Variants in CACNA2D3 observed in about 807,000 individuals in gnomAD.
CACNA2D3 encodes the protein calcium voltage-gated channel auxiliary subunit alpha2delta 3, also known as voltage-dependent calcium channel subunit alpha-2/delta-3.
A neutral mutation model predicts 160.6 loss-of-function variants in CACNA2D3; 60 were observed. The observed-to-expected ratio is 0.37, with a 90% CI of 0.30 to 0.46. CACNA2D3 has a LOEUF of 0.46. Ranked by LOEUF, CACNA2D3 falls within the 20% of genes least tolerant of loss-of-function variation. The probability of loss-of-function intolerance (pLI) is 1.00; values close to 1 mark genes in which losing one functional copy is unlikely to be tolerated. For synonymous variants in CACNA2D3, 558 were observed against 492.9 expected (o/e 1.13, Z -1.75); for missense variants, 1,205 against 1,365.0 (o/e 0.88, Z 1.85).
chr3:54,390,815 A>G (rs1266039155), intron 4 of CACNA2D3, among the ~76,000 whole-genome samples: 1 of 152,136 alleles, frequency 6.6e-6, no homozygotes, highest in Non-Finnish European at 1.5e-5. Flanking sequence ...ATTTATTACT[A>G]TGATGGTCCG....
At chr3:54,293,987 G>C (rs1484692429) in intron 2 of CACNA2D3, among the ~76,000 whole-genome samples, 1 of 152,158 alleles carries the variant, frequency 6.6e-6, no homozygotes, top group East Asian at 1.9e-4. Flanking sequence ...CAGAAAGGAG[G>C]GGGAGAAGGA....
chr3:54,869,689 A>G lies in CACNA2D3; in HGVS notation c.1627-1850A>G, dbSNP rs149942993. 3.9e-4 allele frequency among the ~76,000 whole-genome samples: 60 copies of G among 152,284 alleles called. 1 individual carries two copies. The highest frequency in any genetic ancestry group is 2.9e-3 in the South Asian group (14 of 4,820). ...AGGTCCAGAACGACTGTCTGACTCTAAGTCCTCAGGGGGACACTACTATCC... is the reference window on the plus strand; with the variant it reads ...AGGTCCAGAACGACTGTCTGACTCTGAGTCCTCAGGGGGACACTACTATCC... On this transcript the variant is annotated intron_variant, in intron 17 of 37. Transcript: ENST00000474759.
intron 13 of CACNA2D3, among the ~76,000 whole-genome samples, chr3:54,789,166 TAA>T (rs1302005530): frequency 2.0e-5 from 3 of 152,190 alleles, no homozygotes; most frequent in Non-Finnish European, 4.4e-5. Context: ...TATAAATATA[TAA>T]CAGTCTTATG....
chr3:54,369,675 A>C (rs1186857785), intron 3 of CACNA2D3, among the ~76,000 whole-genome samples: 1 of 152,056 alleles, frequency 6.6e-6, no homozygotes, highest in Non-Finnish European at 1.5e-5. Flanking sequence ...GGCCTTTCCC[A>C]CCTGGGACAT....
At chr3:55,053,183 C>T (rs1559474760) in intron 35 of CACNA2D3, among the ~76,000 whole-genome samples, 1 of 152,026 alleles carries the variant, frequency 6.6e-6, no homozygotes. Context: ...CCCCAAGTTA[C>T]TACTGATTTT....
chr3:54,392,938 C>T (rs1699307128), intron 4 of CACNA2D3, among the ~76,000 whole-genome samples: 1 of 152,162 alleles, frequency 6.6e-6, no homozygotes, highest in South Asian at 2.1e-4. Context: ...AGATGGCTGG[C>T]TAGAAGAAGC....
At position 55,070,733 on chromosome 3, in the gene CACNA2D3, A is replaced by C. The variant is rs1047579471; in HGVS notation, c.2988-2712A>C. On this transcript the variant is annotated intron_variant, in intron 35 of 37. Coordinates refer to ENST00000474759, the MANE Select transcript of CACNA2D3 (RefSeq NM_018398.3). ...TTATTTTTTCTGATGAAAATGTCTA[A>C]GGTTCTACCGCACAAATGTGAATCT... Among the ~76,000 whole-genome samples the C allele has an allele frequency of 3.3e-5, 5 of 152,208 alleles. No homozygotes were observed. In the South Asian group the frequency reaches 1.0e-3, roughly 32 times the overall value.
rs1374986317 is a variant in CACNA2D3 at position 54,536,669 on chromosome 3, G to A, written c.545-26131G>A. ...GTGAACAGACTGGCCCTGGGCCACA[G>A]CCAGCAGGCCCCAAAAGCAGAGAAT... On this transcript the variant is annotated intron_variant, in intron 5 of 37. Coordinates refer to ENST00000474759, the MANE Select transcript of CACNA2D3 (RefSeq NM_018398.3). Among the ~76,000 whole-genome samples the A allele has an allele frequency of 2.0e-5, 3 of 152,230 alleles. No homozygotes were observed. The East Asian group carries it at 5.8e-4, about 29-fold the overall frequency.
At chr3:54,324,483 T>G (rs2107511753) in intron 3 of CACNA2D3, among the ~76,000 whole-genome samples, 1 of 152,288 alleles carries the variant, frequency 6.6e-6, no homozygotes, top group South Asian at 2.1e-4. Flanking sequence ...TAATTTCCAT[T>G]AACATAATGG....
intron 2 of CACNA2D3, among the ~76,000 whole-genome samples, chr3:54,282,523 A>T (rs2107464650): frequency 1.3e-5 from 2 of 152,292 alleles, no homozygotes; most frequent in South Asian, 4.1e-4. Flanking sequence ...GAGTTGAGGA[A>T]TGGAAACTTA....
intron 4 of CACNA2D3, among the ~76,000 whole-genome samples, chr3:54,496,917 A>G (rs76056048): frequency 0.021 from 3,133 of 152,142 alleles, 86 homozygotes; most frequent in East Asian, 0.11. Flanking sequence ...TTTGATGTCA[A>G]TTGACCATAT....
intron 13 of CACNA2D3, among the ~76,000 whole-genome samples, chr3:54,808,836 G>T (rs1237765621): frequency 1.3e-5 from 2 of 152,070 alleles, no homozygotes; most frequent in South Asian, 4.2e-4. Context: ...CTGATACCAG[G>T]TCTGTAGGGT....
chr3:54,155,147 G>T (rs1299533179), intron 2 of CACNA2D3, among the ~76,000 whole-genome samples: 3 of 152,202 alleles, frequency 2.0e-5, no homozygotes, highest in Admixed American at 6.5e-5. Flanking sequence ...TGGAAAAGTG[G>T]TTATAGTGGT....
At chr3:54,443,146 A>G (rs1297464499) in intron 4 of CACNA2D3, among the ~76,000 whole-genome samples, 5 of 152,142 alleles carry the variant, frequency 3.3e-5, no homozygotes. Flanking sequence ...GCAGAACAAC[A>G]CCTTGAATAA....
intron 5 of CACNA2D3, 135 bp downstream of exon 5, chr3:54,503,789 A>G (rs1345569438): frequency 4.2e-6 from 3 of 715,380 alleles, no homozygotes; most frequent in Non-Finnish European, 7.0e-6. Flanking sequence ...TGAGTGTGTC[A>G]GGTATCAACT....
chr3:54,671,216 T>C (rs1700154654), intron 11 of CACNA2D3, among the ~76,000 whole-genome samples: 1 of 151,392 alleles, frequency 6.6e-6, no homozygotes, highest in Admixed American at 6.6e-5. Context: ...TGGGGTCTCA[T>C]TTCATTGGAG....
intron 17 of CACNA2D3, among the ~76,000 whole-genome samples, chr3:54,851,379 T>C (rs1415499147): frequency 1.3e-5 from 2 of 152,112 alleles, no homozygotes; most frequent in Non-Finnish European, 2.9e-5. Context: ...AAGATGAAGG[T>C]AAATATCCTC....
intron 14 of CACNA2D3, among the ~76,000 whole-genome samples, chr3:54,828,381 C>A (rs551813600): frequency 6.6e-6 from 1 of 152,160 alleles, no homozygotes; most frequent in Non-Finnish European, 1.5e-5. Flanking sequence ...ACCAACAAAG[C>A]GGTTTCCAAG....
At chr3:54,336,063 A>C (rs1234355696) in intron 3 of CACNA2D3, among the ~76,000 whole-genome samples, 1 of 150,790 alleles carries the variant, frequency 6.6e-6, no homozygotes, top group Non-Finnish European at 1.5e-5. Context: ...TTCCAACACT[A>C]CTATATCTCA....
Sources: gnomAD v4.1 joint callset for allele counts (sites outside exome capture counted in the v4.1 genomes callset) on GRCh38, gnomAD v4.1.1 for gene constraint, MANE v1.5 for transcripts, NCBI Gene and HGNC (gene_info 2026-07-23, HGNC 2026-07-21) for gene names.